The following GHR variants were observed in gnomAD, a reference collection of about 807,000 sequenced individuals.
GHR encodes growth hormone receptor.
Under a neutral mutation model 67.1 loss-of-function variants are expected in GHR, and 35 were observed. That is an observed-to-expected ratio of 0.52 (90% CI 0.40 to 0.69). GHR has a LOEUF of 0.69. Ranked by LOEUF, GHR falls within the 30% of genes least tolerant of loss-of-function variation. The pLI is 0.00. For synonymous variants in GHR, 272 were observed against 269.1 expected (o/e 1.01, Z -0.10); for missense variants, 792 against 764.6 (o/e 1.04, Z -0.42).
rs1758880866 is a variant in GHR at position 42,719,054 on chromosome 5, T to G, written c.1547T>G (p.Met516Arg). Residue 516 changes from methionine to arginine, a missense_variant, in exon 10 of 10, where the codon ATG (methionine) becomes AGG (arginine). Coordinates refer to ENST00000230882, the MANE Select transcript of GHR (RefSeq NM_000163.5). Reference sequence around the variant, plus strand: ...AAGGCAGGGATGTCCCAATGTGACATGCACCCGGAAATGGTCTCACTCTGC... The same window carrying G: ...AAGGCAGGGATGTCCCAATGTGACAGGCACCCGGAAATGGTCTCACTCTGC... Reference protein sequence around the residue: ...KNKAGMSQCDMHPEMVSLCQE... With the variant: ...KNKAGMSQCDRHPEMVSLCQE... 1 of 1,610,310 alleles carries G rather than the reference T, an allele frequency of 6.2e-7. No individual in the cohort carries two copies. Among genetic ancestry groups the G allele is most frequent in the Non-Finnish European group, 8.5e-7 (1 of 1,177,184 alleles).
At chr5:42,482,275 G>T (rs1745677609) in intron 1 of GHR, among the ~76,000 whole-genome samples, 1 of 152,182 alleles carries the variant, frequency 6.6e-6, no homozygotes, top group South Asian at 2.1e-4. Context: ...GCCGTGTGAG[G>T]TGTCAGTCCA....
rs1167904304 is a variant in GHR, at chr5:42,565,929, T to C, written c.55T>C (p.Phe19Leu). 17 of 1,613,930 alleles carry C rather than the reference T, an allele frequency of 1.1e-5. No individual in the cohort carries two copies. Among genetic ancestry groups the C allele is most frequent in the Non-Finnish European group, 1.4e-5 (17 of 1,179,948 alleles). ...TLALAGSSDA[F>L]SGSEATAAIL... ...GGCACTGGCAGGATCAAGTGATGCT[T>C]TTTCTGGAAGTGAGGGTGAGTTCTG... The change falls in exon 2 of 10, where the codon TTT (phenylalanine) becomes CTT (leucine). Residue 19 changes from phenylalanine to leucine, a missense_variant. Physicochemically the swap from Phe to Leu is conservative, Grantham distance 22. Transcript: ENST00000230882.
At chr5:42,618,094 G>A (rs767796639) in intron 2 of GHR, among the ~76,000 whole-genome samples, 2 of 151,918 alleles carry the variant, frequency 1.3e-5, no homozygotes, top group Non-Finnish European at 2.9e-5. Flanking sequence ...ACAAAAAAAG[G>A]GCAAAGTTCA....
chr5:42,692,905 T>A (rs771098020), intron 4 of GHR, among the ~76,000 whole-genome samples: 2 of 152,168 alleles, frequency 1.3e-5, no homozygotes, highest in Non-Finnish European at 2.9e-5. Context: ...TCTGGGCAAT[T>A]TTCTTACAAC....
intron 1 of GHR, among the ~76,000 whole-genome samples, chr5:42,445,548 T>A (rs1328474635): frequency 6.6e-6 from 1 of 152,182 alleles, no homozygotes; most frequent in Non-Finnish European, 1.5e-5. Context: ...TTTTACTTTT[T>A]CAAAGTTTAT....
chr5:42,669,300 T>G (rs1008436308), intron 3 of GHR, among the ~76,000 whole-genome samples: 3 of 152,222 alleles, frequency 2.0e-5, no homozygotes, highest in African/African-American at 7.2e-5. Context: ...CCTATTTTGT[T>G]GCATTTGAAA....
intron 2 of GHR, among the ~76,000 whole-genome samples, chr5:42,573,689 G>A (rs114225939): frequency 0.036 from 5,492 of 152,210 alleles, 152 homozygotes; most frequent in Non-Finnish European, 0.05. Flanking sequence ...CCTGACTAGG[G>A]ATCCTGTGGA....
chr5:42,481,171 T>C (rs1336150139), intron 1 of GHR, among the ~76,000 whole-genome samples: 1 of 152,184 alleles, frequency 6.6e-6, no homozygotes, highest in Non-Finnish European at 1.5e-5. Context: ...GGATATGAAA[T>C]TCTGGGTTGA....
intron 2 of GHR, among the ~76,000 whole-genome samples, chr5:42,567,666 G>A (rs1309564649): frequency 6.6e-6 from 1 of 151,602 alleles, no homozygotes; most frequent in Non-Finnish European, 1.5e-5. Context: ...GCATATTCCA[G>A]AATCCTTTCT....
intron 1 of GHR, among the ~76,000 whole-genome samples, chr5:42,541,383 C>A (rs540127528): frequency 4.6e-5 from 7 of 152,174 alleles, no homozygotes; most frequent in African/African-American, 1.7e-4. Context: ...TATTTGGGAT[C>A]TTCAAGGAAC....
At chr5:42,623,715 G>A (rs1324184309) in intron 2 of GHR, among the ~76,000 whole-genome samples, 1 of 152,144 alleles carries the variant, frequency 6.6e-6, no homozygotes, top group Non-Finnish European at 1.5e-5. Context: ...AGAAAAATGT[G>A]GGCTCACTGA....
In GHR at chr5:42,468,442, T is replaced by C; in HGVS notation, c.-12+44487T>C. The C allele has an allele frequency of 4.3e-6, 4 of 928,928 alleles. No homozygotes were observed. The South Asian group carries it at 6.9e-5, about 16-fold the overall frequency. 57.5% of individuals were successfully genotyped at this position (928,928 alleles called of 1,614,324 possible). On this transcript the variant is annotated intron_variant, in intron 1 of 9. Coordinates refer to ENST00000230882, the MANE Select transcript of GHR (RefSeq NM_000163.5). The stretch of plus-strand genomic sequence containing the variant: ...AGTTTCCTCCCAGGGCCAAGATGAG[T>C]ATTGCCTACGTGCGCAGCTGAGAGG...
intron 2 of GHR, among the ~76,000 whole-genome samples, chr5:42,595,795 G>A (rs1345430773): frequency 6.6e-6 from 1 of 152,192 alleles, no homozygotes; most frequent in Non-Finnish European, 1.5e-5. Context: ...TGTTTTATGT[G>A]ACAGATTGGC....
intron 8 of GHR, chr5:42,715,206 C>A: frequency 3.8e-6 from 1 of 263,624 alleles, no homozygotes; most frequent in South Asian, 3.3e-5. Flanking sequence ...AAAGAATTAA[C>A]TTTATTTTTT....
At chr5:42,537,230 T>C (rs1748297878) in intron 1 of GHR, among the ~76,000 whole-genome samples, 1 of 152,176 alleles carries the variant, frequency 6.6e-6, no homozygotes, top group Non-Finnish European at 1.5e-5. Context: ...GTTTCTCTAG[T>C]TCCTTGAGGT....
rs533386996 is a variant in GHR, at chr5:42,597,797, A to C, written c.71-31241A>C. 9.8e-5 allele frequency among the ~76,000 whole-genome samples: 15 copies of C among 152,318 alleles called. No individual in the cohort carries two copies. The East Asian group carries it at 2.1e-3, about 22-fold the overall frequency. The stretch of plus-strand genomic sequence containing the variant: ...AAATGACTGCCAGCTCTCTCCTGCC[A>C]TATCCACTACTAAGTGAGAAATTCA... On this transcript the variant is annotated intron_variant, in intron 2 of 9. Transcript: ENST00000230882.
chr5:42,501,259 A>C (rs759870947), intron 1 of GHR, among the ~76,000 whole-genome samples: 2 of 152,212 alleles, frequency 1.3e-5, no homozygotes, highest in African/African-American at 4.8e-5. Context: ...AGTGTTCAAT[A>C]ATGATTATAA....
chr5:42,516,704 A>G (rs377196729), intron 1 of GHR, among the ~76,000 whole-genome samples: 6 of 152,246 alleles, frequency 3.9e-5, no homozygotes, highest in African/African-American at 1.4e-4. Flanking sequence ...GAAGAGATAT[A>G]TAGACATCTT....
intron 6 of GHR, among the ~76,000 whole-genome samples, chr5:42,706,207 T>A (rs1409508022): frequency 6.6e-6 from 1 of 152,148 alleles, no homozygotes; most frequent in Non-Finnish European, 1.5e-5. Context: ...TTGAAAAGTG[T>A]CTGTTTATGC....
Sources: allele counts gnomAD v4.1 joint callset (sites outside exome capture counted in the v4.1 genomes callset), GRCh38; gene constraint gnomAD v4.1.1; transcripts MANE v1.5; gene names NCBI Gene and HGNC (gene_info 2026-07-23, HGNC 2026-07-21).